Variants in ZZZ3 observed in about 807,000 individuals in gnomAD.
ZZZ3 encodes ZZ-type zinc finger-containing protein 3.
In ZZZ3, 22 loss-of-function variants were observed where a neutral mutation model predicts 95.2. The ratio of observed to expected loss-of-function variants is 0.23; its 90% confidence interval spans 0.17 to 0.33. The LOEUF (loss-of-function observed/expected upper bound fraction) is 0.33, where lower values mean the gene tolerates loss of function less well. Ranked by LOEUF, ZZZ3 falls within the 10% of genes least tolerant of loss-of-function variation. ZZZ3 has a pLI of 1.00. For synonymous variants in ZZZ3, 335 were observed against 358.9 expected, an observed-to-expected ratio of 0.93 and a Z score of 0.75; for missense variants, 885 against 1,066.5, an observed-to-expected ratio of 0.83 and a Z score of 2.37.
chr1:77,681,159 C>G (rs1420638545), intron 1 of ZZZ3, among the ~76,000 whole-genome samples: 2 of 152,112 alleles, frequency 1.3e-5, no homozygotes, highest in African/African-American at 4.8e-5. Context: ...GAAACAAAAA[C>G]TAAACCAAAA....
At chr1:77,569,753 A>G (rs925070350) in intron 12 of ZZZ3, among the ~76,000 whole-genome samples, 1 of 149,832 alleles carries the variant, frequency 6.7e-6, no homozygotes, top group South Asian at 2.2e-4. Flanking sequence ...TGTTATTCCT[A>G]CTTCTCTCAT....
At chr1:77,671,009 G>C (rs1235670005) in intron 1 of ZZZ3, among the ~76,000 whole-genome samples, 6 of 151,400 alleles carry the variant, frequency 4.0e-5, no homozygotes, top group Middle Eastern at 3.4e-3. Context: ...TGTTTTTTTG[G>C]GGGGGTGGTG....
chr1:77,622,579 G>A (rs1290886188), intron 5 of ZZZ3, among the ~76,000 whole-genome samples: 1 of 152,042 alleles, frequency 6.6e-6, no homozygotes, highest in African/African-American at 2.4e-5. Flanking sequence ...AAAAATCCTT[G>A]AAATATCTGT....
At chr1:77,578,528 G>C (rs1192224443) in intron 11 of ZZZ3, among the ~76,000 whole-genome samples, 2 of 152,046 alleles carry the variant, frequency 1.3e-5, no homozygotes, top group Non-Finnish European at 1.5e-5. Flanking sequence ...AACATATTTT[G>C]AATCTAAAAT....
At chr1:77,572,277 T>C (rs558357951) in intron 12 of ZZZ3, among the ~76,000 whole-genome samples, 4 of 152,324 alleles carry the variant, frequency 2.6e-5, no homozygotes, top group South Asian at 2.1e-4. Context: ...TTTTGCCAAT[T>C]TGTCAAACTG....
rs1172814065 is a variant in ZZZ3 at position 77,665,691 on chromosome 1, TA to T, written c.-403+16893del. ...TCTCATTCATTAAATTTAAAATTTT[TA>T]TATTTACCAATTATAACTCAATAAA... On this transcript the variant is annotated intron_variant, in intron 1 of 14. Transcript: ENST00000370801. 7.9e-5 allele frequency among the ~76,000 whole-genome samples: 12 copies of T among 152,374 alleles called. No homozygotes were observed. In the South Asian group the frequency reaches 2.3e-3, roughly 29 times the overall value.
At chr1:77,566,291 C>A (rs1660820450) in intron 13 of ZZZ3, 110 bp from the exon 14 acceptor site, 2 of 705,940 alleles carry the variant, frequency 2.8e-6, no homozygotes, top group East Asian at 2.9e-5. Context: ...CTTCTCTCTC[C>A]ATGCACAGGA....
At chr1:77,667,134 T>G (rs890477334) in intron 1 of ZZZ3, among the ~76,000 whole-genome samples, 1 of 152,226 alleles carries the variant, frequency 6.6e-6, no homozygotes, top group African/African-American at 2.4e-5. Flanking sequence ...AGAAAATATA[T>G]AAGTTGAACC....
intron 12 of ZZZ3, among the ~76,000 whole-genome samples, chr1:77,571,175 A>C (rs1428425206): frequency 2.6e-5 from 4 of 152,242 alleles, no homozygotes; most frequent in African/African-American, 9.6e-5. Flanking sequence ...AAACACTTTT[A>C]AATTTTTAGA....
chr1:77,616,346 C>G (rs951061372), intron 5 of ZZZ3, among the ~76,000 whole-genome samples: 2 of 152,104 alleles, frequency 1.3e-5, no homozygotes, highest in African/African-American at 2.4e-5. Flanking sequence ...TAAAAGCAAC[C>G]CAAGTTATTT....
At chr1:77,656,659 T>C (rs1670295021) in intron 1 of ZZZ3, among the ~76,000 whole-genome samples, 1 of 152,202 alleles carries the variant, frequency 6.6e-6, no homozygotes, top group Non-Finnish European at 1.5e-5. Context: ...CTTGAATTTG[T>C]ACTGTCTTCA....
intron 5 of ZZZ3, among the ~76,000 whole-genome samples, chr1:77,589,013 G>A (rs1208962957): frequency 6.6e-6 from 1 of 152,102 alleles, no homozygotes; most frequent in Non-Finnish European, 1.5e-5. Context: ...CCACGTAGCT[G>A]GGACAGGTGT....
intron 1 of ZZZ3, among the ~76,000 whole-genome samples, chr1:77,663,559 T>C (rs1671000285): frequency 6.6e-6 from 1 of 152,212 alleles, no homozygotes; most frequent in Non-Finnish European, 1.5e-5. Context: ...AAAGTGTAGC[T>C]TTCAGAAATA....
At chr1:77,634,742 C>A (rs1020021759) in intron 4 of ZZZ3, among the ~76,000 whole-genome samples, 12 of 152,010 alleles carry the variant, frequency 7.9e-5, no homozygotes, top group Admixed American at 7.2e-4. Flanking sequence ...TAGAAAAATG[C>A]CTTGATTGAT....
At chr1:77,577,868 C>T (rs1557692972) in intron 11 of ZZZ3, among the ~76,000 whole-genome samples, 1 of 152,186 alleles carries the variant, frequency 6.6e-6, no homozygotes, top group Non-Finnish European at 1.5e-5. Context: ...ATCCACCCGC[C>T]TCGGCCTCCC....
rs1660704562 is a variant in ZZZ3 at position 77,565,041 on chromosome 1, T to TCA, written c.*598_*599insTG. On this transcript the variant is annotated 3_prime_UTR_variant, in exon 15 of 15. Coordinates refer to ENST00000370801, the MANE Select transcript of ZZZ3 (RefSeq NM_015534.6). ...GAAGCAATGCCACAGTTGCCTCCTG[T>TCA]AGTGCTTCACTGTTGGTAATTAAGG... 6.5e-6 allele frequency: 1 copy of TCA among 152,672 alleles called. No homozygotes were observed. The highest frequency in any genetic ancestry group is 1.5e-5 in the Non-Finnish European group (1 of 68,052). 9.5% of individuals were successfully genotyped at this position (152,672 alleles called of 1,614,324 possible).
At chr1:77,611,997 A>G (rs1665858252) in intron 5 of ZZZ3, among the ~76,000 whole-genome samples, 1 of 152,032 alleles carries the variant, frequency 6.6e-6, no homozygotes, top group Non-Finnish European at 1.5e-5. Flanking sequence ...AAAAAGCTTC[A>G]GCGTGGCAAA....
At chr1:77,657,559 C>T (rs538211950) in intron 1 of ZZZ3, among the ~76,000 whole-genome samples, 1 of 152,336 alleles carries the variant, frequency 6.6e-6, no homozygotes, top group African/African-American at 2.4e-5. Context: ...AATTTCACCA[C>T]TCTGAACATG....
At chr1:77,643,581 CTATT>C (rs1410823647) in intron 1 of ZZZ3, among the ~76,000 whole-genome samples, 1 of 152,210 alleles carries the variant, frequency 6.6e-6, no homozygotes, top group Non-Finnish European at 1.5e-5. Context: ...AATTCATTGA[CTATT>C]CAAGCATTCC....
Sources: gnomAD v4.1 joint callset for allele counts (sites outside exome capture counted in the v4.1 genomes callset) on GRCh38, gnomAD v4.1.1 for gene constraint, MANE v1.5 for transcripts, NCBI Gene and HGNC (gene_info 2026-07-23, HGNC 2026-07-21) for gene names.